Variants in ARSJ observed in about 807,000 individuals in gnomAD.
The protein encoded by ARSJ is arylsulfatase J.
A neutral mutation model predicts 35.9 loss-of-function variants in ARSJ; 26 were observed. That is an observed-to-expected ratio of 0.72 (90% confidence interval 0.53 to 1.00). The LOEUF (loss-of-function observed/expected upper bound fraction) is 1.00, where lower values mean the gene tolerates loss of function less well. Ranked by LOEUF, ARSJ falls within the 50% of genes least tolerant of loss-of-function variation. The pLI is 0.00. For synonymous variants in ARSJ, 294 were observed against 267.6 expected (o/e 1.10, Z -0.96); for missense variants, 667 against 723.6 (o/e 0.92, Z 0.90).
chr4:113,958,704 C>A (rs1366207313), intron 1 of ARSJ, among the ~76,000 whole-genome samples: 1 of 151,968 alleles, frequency 6.6e-6, no homozygotes, highest in Non-Finnish European at 1.5e-5. Context: ...TGATGTAGCT[C>A]TTTGAAGAGA....
At chr4:113,906,456 G>T (rs1021093950) in intron 1 of ARSJ, among the ~76,000 whole-genome samples, 1 of 152,154 alleles carries the variant, frequency 6.6e-6, no homozygotes, top group African/African-American at 2.4e-5. Flanking sequence ...TCAACTATGA[G>T]GTTTCTGTCT....
chr4:113,920,391 T>A (rs921049334), intron 1 of ARSJ, among the ~76,000 whole-genome samples: 3 of 152,122 alleles, frequency 2.0e-5, no homozygotes, highest in African/African-American at 7.2e-5. Context: ...CTGTGGACAA[T>A]AATATGTTTG....
intron 1 of ARSJ, among the ~76,000 whole-genome samples, chr4:113,977,490 T>TG (rs1287098485): frequency 6.6e-6 from 1 of 152,208 alleles, no homozygotes; most frequent in Non-Finnish European, 1.5e-5. Flanking sequence ...AAGGGTTCCC[T>TG]GTCCTGCAAC....
In ARSJ at chr4:113,973,589, G is replaced by A. The variant is rs74859626; in HGVS notation, c.398+4848C>T. On this transcript the variant is annotated intron_variant, in intron 1 of 1. Coordinates refer to ENST00000315366, the MANE Select transcript of ARSJ (RefSeq NM_024590.4). ...GACCACAAATCTCAAGTGGGCTCTCGTTACATCCCAGTATTTTTACTGCAT... is the reference window on the plus strand; with the variant it reads ...GACCACAAATCTCAAGTGGGCTCTCATTACATCCCAGTATTTTTACTGCAT... 0.013 allele frequency among the ~76,000 whole-genome samples: 2,043 copies of A among 152,218 alleles called. 115 individuals are homozygous for A. In the East Asian group the frequency reaches 0.16, roughly 12 times the overall value.
In ARSJ at chr4:113,903,691, A is replaced by T. The variant is rs930485382; in HGVS notation, c.399-16T>A. On this transcript the variant is annotated splice_polypyrimidine_tract_variant and intron_variant, in intron 1 of 1. Coordinates refer to ENST00000315366, the MANE Select transcript of ARSJ (RefSeq NM_024590.4). ...TATCTGATACCTTAAGAAAAGAGAA[A>T]AAAATTGTTATCAGGGCAGGATAAA... 6.3e-7 allele frequency: 1 copy of T among 1,580,922 alleles called. No individual in the cohort carries two copies. The highest frequency in any genetic ancestry group is 8.6e-7 in the Non-Finnish European group (1 of 1,159,774).
intron 1 of ARSJ, among the ~76,000 whole-genome samples, chr4:113,930,998 G>C (rs929227307): frequency 5.3e-5 from 8 of 151,640 alleles, no homozygotes; most frequent in African/African-American, 1.7e-4. Context: ...ACACAGGAAG[G>C]GGAATATGAC....
intron 1 of ARSJ, chr4:113,943,342 G>A (rs569582744): frequency 6.6e-6 from 1 of 152,192 alleles, no homozygotes; most frequent in Non-Finnish European, 1.5e-5. Flanking sequence ...CTAGGATCAT[G>A]ACTGCCCTGA....
intron 1 of ARSJ, among the ~76,000 whole-genome samples, chr4:113,972,574 A>G (rs889003712): frequency 2.6e-5 from 4 of 152,042 alleles, no homozygotes; most frequent in Non-Finnish European, 5.9e-5. Flanking sequence ...CGGTGGCCCA[A>G]TCATAACTCT....
intron 1 of ARSJ, among the ~76,000 whole-genome samples, chr4:113,953,773 A>G (rs1336191400): frequency 6.6e-6 from 1 of 152,096 alleles, no homozygotes; most frequent in Admixed American, 6.6e-5. Flanking sequence ...TAAAATGATC[A>G]GTAGCAGCAT....
chr4:113,906,039 CA>C (rs1484169540), intron 1 of ARSJ, among the ~76,000 whole-genome samples: 2 of 151,880 alleles, frequency 1.3e-5, no homozygotes, highest in Non-Finnish European at 2.9e-5. Flanking sequence ...GTTTTAGACA[CA>C]AGTGAATGTT....
At chr4:113,959,053 T>C (rs1423513094) in intron 1 of ARSJ, among the ~76,000 whole-genome samples, 2 of 151,994 alleles carry the variant, frequency 1.3e-5, no homozygotes, top group Non-Finnish European at 2.9e-5. Context: ...AATGATGACT[T>C]TCTTCTTAAA....
At chr4:113,966,375 A>C (rs1726894629) in intron 1 of ARSJ, among the ~76,000 whole-genome samples, 1 of 152,122 alleles carries the variant, frequency 6.6e-6, no homozygotes, top group African/African-American at 2.4e-5. Flanking sequence ...GAAAGAATGT[A>C]AAATTGTAAA....
intron 1 of ARSJ, among the ~76,000 whole-genome samples, chr4:113,971,733 T>C (rs546299086): frequency 3.9e-5 from 6 of 152,342 alleles, no homozygotes; most frequent in Middle Eastern, 3.4e-3. Flanking sequence ...ATCAACTAAA[T>C]ATATATGAAA....
At chr4:113,949,825 G>A (rs931374999) in intron 1 of ARSJ, among the ~76,000 whole-genome samples, 1 of 152,060 alleles carries the variant, frequency 6.6e-6, no homozygotes, top group Non-Finnish European at 1.5e-5. Flanking sequence ...GCACTTTTGC[G>A]ATCTGTACTC....
intron 1 of ARSJ, among the ~76,000 whole-genome samples, chr4:113,968,110 C>A (rs77539133): frequency 6.6e-6 from 1 of 152,026 alleles, no homozygotes; most frequent in African/African-American, 2.4e-5. Context: ...CTGTTCTAAA[C>A]GCTTTAGGTA....
At chr4:113,942,382 T>C (rs949754086) in intron 1 of ARSJ, among the ~76,000 whole-genome samples, 3 of 152,000 alleles carry the variant, frequency 2.0e-5, no homozygotes, top group African/African-American at 4.8e-5. Context: ...ACCTAAAATA[T>C]AGATATCTCA....
rs771297167 is a variant in ARSJ at position 113,978,874 on chromosome 4, G to T, written c.-40C>A. On this transcript the variant is annotated 5_prime_UTR_variant, in exon 1 of 2. Transcript: ENST00000315366. ...GGTGAGACTCCACGCGGAGAACCACGCGCCCCGCGCCGCTGCGGGCGCACA... is the reference window on the plus strand; with the variant it reads ...GGTGAGACTCCACGCGGAGAACCACTCGCCCCGCGCCGCTGCGGGCGCACA... 1.3e-6 allele frequency: 2 copies of T among 1,540,480 alleles called. No homozygotes were observed. Among genetic ancestry groups the T allele is most frequent in the African/African-American group, 1.4e-5 (1 of 72,338 alleles).
intron 1 of ARSJ, among the ~76,000 whole-genome samples, chr4:113,909,142 A>G (rs13129338): frequency 0.62 from 93,486 of 151,058 alleles, 29,420 homozygotes; most frequent in Middle Eastern, 0.69. Flanking sequence ...GAAGGAGTGG[A>G]AAAAAAAAGA....
chr4:113,972,305 AACAAAAAAAAAAAC>A (rs1215587072), intron 1 of ARSJ, among the ~76,000 whole-genome samples: 1 of 133,588 alleles, frequency 7.5e-6, no homozygotes, highest in Non-Finnish European at 1.6e-5. Flanking sequence ...AAAAAAAAAA[AACAAAAAAAAAAAC>A]CCCACCATGA....
Sources: gnomAD v4.1 joint callset for allele counts (sites outside exome capture counted in the v4.1 genomes callset) on GRCh38, gnomAD v4.1.1 for gene constraint, MANE v1.5 for transcripts, NCBI Gene and HGNC (gene_info 2026-07-23, HGNC 2026-07-21) for gene names.